Variants in ANKS1A observed in about 807,000 individuals in gnomAD.
The protein encoded by ANKS1A is ankyrin repeat and sterile alpha motif domain containing 1A.
In ANKS1A, 55 loss-of-function variants were observed where a neutral mutation model predicts 120.3. The ratio of observed to expected loss-of-function variants is 0.46; its 90% CI spans 0.37 to 0.57. ANKS1A has a LOEUF of 0.57. Ranked by LOEUF, ANKS1A falls within the 20% of genes least tolerant of loss-of-function variation. ANKS1A has a pLI of 0.00. For synonymous variants in ANKS1A, 590 were observed against 604.7 expected (o/e 0.98, Z 0.36); for missense variants, 1,123 against 1,480.3 (o/e 0.76, Z 3.96).
At chr6:34,890,013 G>A (rs1283889889) in intron 1 of ANKS1A, among the ~76,000 whole-genome samples, 5 of 152,122 alleles carry the variant, frequency 3.3e-5, no homozygotes, top group South Asian at 4.2e-4. Context: ...GAATCTCGAG[G>A]CTCCTCTGGA....
intron 13 of ANKS1A, among the ~76,000 whole-genome samples, chr6:35,076,015 T>C (rs1428222727): frequency 6.6e-6 from 1 of 152,186 alleles, no homozygotes; most frequent in South Asian, 2.1e-4. Context: ...CCACCTCACC[T>C]TGGCCTCCAA....
At chr6:35,031,514 T>C (rs1774909483) in intron 11 of ANKS1A, among the ~76,000 whole-genome samples, 1 of 152,194 alleles carries the variant, frequency 6.6e-6, no homozygotes, top group Non-Finnish European at 1.5e-5. Flanking sequence ...AGTCCCCTTG[T>C]GCTCTTGACC....
chr6:35,006,359 TAA>T (rs1159993457), intron 10 of ANKS1A, among the ~76,000 whole-genome samples: 1 of 151,056 alleles, frequency 6.6e-6, no homozygotes, highest in Admixed American at 6.6e-5. Flanking sequence ...TTAAAATAAC[TAA>T]AAGAGTGTAA....
Position 35,088,856 on chromosome 6 carries a change from G to A in ANKS1A, c.*247G>A, listed in dbSNP as rs566100056. On this transcript the variant is annotated 3_prime_UTR_variant, in exon 24 of 24. Transcript: ENST00000360359. ...GACTGGCATTCCAGAGGGTCAAGAA[G>A]TGACTTGTTCAGAACACATTGTTTT... 1.5e-4 allele frequency: 221 copies of A among 1,445,446 alleles called. 1 individual carries two copies. In the African/African-American group the frequency reaches 1.6e-3, roughly 11 times the overall value. The allele number at this position is 1,445,446 out of a possible 1,614,324, so 89.5% of individuals were successfully genotyped here.
intron 9 of ANKS1A, 23 bp from the exon 10 acceptor site, chr6:34,994,279 C>T: frequency 6.2e-7 from 1 of 1,611,280 alleles, no homozygotes; most frequent in South Asian, 1.1e-5. Flanking sequence ...GCACAAGATA[C>T]ACTGGATGTT....
At chr6:35,008,170 A>G (rs1032283839) in intron 10 of ANKS1A, among the ~76,000 whole-genome samples, 9 of 152,190 alleles carry the variant, frequency 5.9e-5, no homozygotes, top group African/African-American at 1.7e-4. Flanking sequence ...TATCAATGAG[A>G]CAGTTTGACA....
rs750344125 is a variant in ANKS1A at position 34,951,973 on chromosome 6, C to T, written c.198-15266C>T. ...TGAATGAGGAGTGGGGAATGTGAGG[C>T]GGGGCGGAAATGAAAGAATATGAGC... On this transcript the variant is annotated intron_variant, in intron 1 of 23. Transcript: ENST00000360359. Among the ~76,000 whole-genome samples the T allele has an allele frequency of 3.3e-5, 5 of 151,850 alleles. No individual in the cohort carries two copies. In the South Asian group the frequency reaches 8.3e-4, roughly 25 times the overall value.
chr6:35,069,910 C>T (rs1208824039), intron 13 of ANKS1A, among the ~76,000 whole-genome samples: 2 of 151,460 alleles, frequency 1.3e-5, no homozygotes, highest in African/African-American at 4.9e-5. Flanking sequence ...GCCTGTAATC[C>T]CAGCTACTTG....
intron 1 of ANKS1A, among the ~76,000 whole-genome samples, chr6:34,956,233 G>C (rs1431459596): frequency 1.3e-5 from 2 of 150,894 alleles, no homozygotes. Context: ...CCTGGTTTTT[G>C]TTTTTTGTTG....
intron 8 of ANKS1A, 69 bp downstream of exon 8, chr6:34,985,347 CG>C: frequency 2.0e-6 from 3 of 1,483,974 alleles, no homozygotes; most frequent in Non-Finnish European, 2.8e-6. Flanking sequence ...TGATGGGGCA[CG>C]GGGAAGGGAA....
At chr6:34,951,122 C>T (rs892253523) in intron 1 of ANKS1A, among the ~76,000 whole-genome samples, 5 of 152,116 alleles carry the variant, frequency 3.3e-5, no homozygotes, top group Admixed American at 2.6e-4. Flanking sequence ...GCATTTTCCA[C>T]GTCGTAGATC....
intron 11 of ANKS1A, among the ~76,000 whole-genome samples, chr6:35,031,677 C>T (rs766803242): frequency 6.6e-6 from 1 of 152,190 alleles, no homozygotes. Flanking sequence ...GCTCATCTTA[C>T]TTGTGGCTGC....
intron 10 of ANKS1A, among the ~76,000 whole-genome samples, chr6:35,007,591 A>G (rs954982594): frequency 1.3e-5 from 2 of 152,122 alleles, no homozygotes; most frequent in Non-Finnish European, 2.9e-5. Context: ...TCCATGTTTG[A>G]TAGTAAATGG....
intron 12 of ANKS1A, among the ~76,000 whole-genome samples, chr6:35,059,573 C>T (rs1426490066): frequency 2.0e-5 from 3 of 152,206 alleles, no homozygotes; most frequent in Non-Finnish European, 2.9e-5. Flanking sequence ...CCGGAGCCCT[C>T]GCTGTGTGCC....
At chr6:34,912,656 T>C (rs764580643) in intron 1 of ANKS1A, among the ~76,000 whole-genome samples, 1 of 152,212 alleles carries the variant, frequency 6.6e-6, no homozygotes, top group Non-Finnish European at 1.5e-5. Context: ...TAGACATTTA[T>C]TTGCAGAATT....
At chr6:35,061,033 G>A (rs768426779) in intron 13 of ANKS1A, among the ~76,000 whole-genome samples, 2 of 152,176 alleles carry the variant, frequency 1.3e-5, no homozygotes, top group Non-Finnish European at 2.9e-5. Flanking sequence ...GATCATGGTC[G>A]CTGACACTTC....
chr6:34,932,229 G>C (rs906097595), intron 1 of ANKS1A, among the ~76,000 whole-genome samples: 1 of 152,208 alleles, frequency 6.6e-6, no homozygotes, highest in African/African-American at 2.4e-5. Flanking sequence ...CTGTTGCCCA[G>C]GCTGGAGTAC....
intron 1 of ANKS1A, among the ~76,000 whole-genome samples, chr6:34,922,810 C>T (rs1768507295): frequency 6.6e-6 from 1 of 151,850 alleles, no homozygotes; most frequent in African/African-American, 2.4e-5. Context: ...TCCCCTGCCT[C>T]AGCCTGCTGA....
intron 1 of ANKS1A, among the ~76,000 whole-genome samples, chr6:34,965,242 C>T (rs1385940129): frequency 6.6e-6 from 1 of 152,074 alleles, no homozygotes; most frequent in Non-Finnish European, 1.5e-5. Flanking sequence ...ACATTATAAT[C>T]TTTTTTTGTC....
Sources: allele counts gnomAD v4.1 joint callset (sites outside exome capture counted in the v4.1 genomes callset), GRCh38; gene constraint gnomAD v4.1.1; transcripts MANE v1.5; gene names NCBI Gene and HGNC (gene_info 2026-07-23, HGNC 2026-07-21).